MRTFA: variants seen among roughly 807,000 people sequenced by gnomAD.
MRTFA encodes myocardin related transcription factor A, also known as myocardin-related transcription factor A.
MRTFA carries 20 observed loss-of-function variants against 83.5 expected under a neutral mutation model. The observed-to-expected ratio is 0.24, with a 90% CI of 0.17 to 0.35. The LOEUF (loss-of-function observed/expected upper bound fraction) is 0.35. MRTFA is among the 10% of genes least tolerant of loss of function. The probability of loss-of-function intolerance (pLI) is 1.00; values close to 1 mark genes in which losing one functional copy is unlikely to be tolerated. For missense variants in MRTFA, 1,200 were observed against 1,224.7 expected, an observed-to-expected ratio of 0.98 and a Z score of 0.30; for synonymous variants, 659 against 541.2, an observed-to-expected ratio of 1.22 and a Z score of -3.02.
At chr22:40,478,183 G>T (rs1351550659) in intron 3 of MRTFA, among the ~76,000 whole-genome samples, 1 of 152,088 alleles carries the variant, frequency 6.6e-6, no homozygotes, top group African/African-American at 2.4e-5. Flanking sequence ...AATTCTCCTT[G>T]GGAGTCTATT....
intron 2 of MRTFA, among the ~76,000 whole-genome samples, chr22:40,572,194 T>G (rs2055806196): frequency 6.6e-6 from 1 of 152,126 alleles, no homozygotes; most frequent in Admixed American, 6.5e-5. Context: ...TTCTTTGGTT[T>G]GGGGGGAACA....
chr22:40,551,462 A>C (rs1408738293), intron 3 of MRTFA, among the ~76,000 whole-genome samples: 1 of 152,022 alleles, frequency 6.6e-6, no homozygotes, highest in Non-Finnish European at 1.5e-5. Context: ...TCCGCCTCCT[A>C]GTTCAATCGA....
At position 40,519,419 on chromosome 22, in the gene MRTFA, A is replaced by T. The variant is rs1569308495; in HGVS notation, c.241+32687T>A. 3.8e-6 allele frequency: 5 copies of T among 1,329,960 alleles called. No individual in the cohort carries two copies. In the African/African-American group the frequency reaches 7.5e-5, roughly 20 times the overall value. The allele number at this position is 1,329,960 out of a possible 1,614,324, so 82.4% of individuals were successfully genotyped here. A position where few individuals can be genotyped will look rare whatever the true frequency, so the allele number is the denominator to read the frequency against. The stretch of plus-strand genomic sequence containing the variant: ...TAGTCAGCTCACTTCTTGGAAAGAG[A>T]TCAGGGTTGAGAGATGAAGGCGATG... On this transcript the variant is annotated intron_variant, in intron 3 of 14. Transcript: ENST00000355630.
At chr22:40,603,816 T>A (rs572657067) in intron 1 of MRTFA, among the ~76,000 whole-genome samples, 1 of 151,718 alleles carries the variant, frequency 6.6e-6, no homozygotes, top group South Asian at 2.1e-4. Context: ...CTCACTAGGT[T>A]GCCCAGGCTG....
chr22:40,476,205 G>A (rs1013188517), intron 3 of MRTFA, among the ~76,000 whole-genome samples: 1 of 151,640 alleles, frequency 6.6e-6, no homozygotes, highest in Non-Finnish European at 1.5e-5. Flanking sequence ...TGGTATTAAA[G>A]TTTCAAGCTA....
chr22:40,576,587 G>A (rs76346318), intron 2 of MRTFA, among the ~76,000 whole-genome samples: 1,934 of 152,220 alleles, frequency 0.013, 20 homozygotes, highest in Non-Finnish European at 0.021. Flanking sequence ...TTTAGGAAGC[G>A]AAATTATGTT....
intron 12 of MRTFA, 28 bp from the exon 13 acceptor site, chr22:40,417,521 G>A: frequency 7.3e-7 from 1 of 1,369,552 alleles, no homozygotes; most frequent in Non-Finnish European, 9.7e-7. Flanking sequence ...GAGAGGACCA[G>A]TGGCCAGGGG....
chr22:40,611,834 T>G (rs2056391455), intron 1 of MRTFA, among the ~76,000 whole-genome samples: 1 of 152,284 alleles, frequency 6.6e-6, no homozygotes, highest in Non-Finnish European at 1.5e-5. Flanking sequence ...AGAAGCAATT[T>G]GGTTCTAGCA....
chr22:40,458,769 G>A (rs1353775768), intron 4 of MRTFA, among the ~76,000 whole-genome samples: 1 of 152,064 alleles, frequency 6.6e-6, no homozygotes, highest in Admixed American at 6.6e-5. Flanking sequence ...TTAAATCTGA[G>A]AGCTGTTTTC....
chr22:40,417,213 C>T (rs1569248855), intron 13 of MRTFA, 128 bp downstream of exon 13: 1 of 1,419,616 alleles, frequency 7.0e-7, no homozygotes. Flanking sequence ...ACCCACTCCC[C>T]AAGGCCTCTC....
intron 4 of MRTFA, among the ~76,000 whole-genome samples, chr22:40,450,622 A>ATTT (rs55638738): frequency 6.8e-6 from 1 of 146,090 alleles, no homozygotes; most frequent in Non-Finnish European, 1.5e-5. Context: ...CAGCTGGCTA[A>ATTT]TTTTTTTTTT....
chr22:40,527,902 C>T (rs998671371), intron 3 of MRTFA, among the ~76,000 whole-genome samples: 2 of 151,778 alleles, frequency 1.3e-5, no homozygotes, highest in African/African-American at 4.8e-5. Context: ...CTTGCCTCAT[C>T]CAAAAAGAAA....
intron 1 of MRTFA, among the ~76,000 whole-genome samples, chr22:40,630,757 C>G (rs1000470601): frequency 1.3e-5 from 2 of 152,114 alleles, no homozygotes; most frequent in African/African-American, 4.8e-5. Flanking sequence ...GGCTGGAGCA[C>G]AGTGGTGTGA....
chr22:40,621,760 TACTCACAGGC>T lies in MRTFA; in HGVS notation c.-84+14708_-84+14717del, dbSNP rs1164264993. 1.1e-3 allele frequency among the ~76,000 whole-genome samples: 161 copies of T among 152,306 alleles called. 4 individuals are homozygous for T. The East Asian group carries it at 0.022, about 21-fold the overall frequency. On this transcript the variant is annotated intron_variant, in intron 1 of 14. Coordinates refer to ENST00000355630, the MANE Select transcript of MRTFA (RefSeq NM_020831.6). The stretch of plus-strand genomic sequence containing the variant: ...GGCAGAGTCTCGAGTAAAAGAAAAT[TACTCACAGGC>T]TTTGAAACATAATAAAAATTTTCCC...
intron 9 of MRTFA, 132 bp from the exon 10 acceptor site, chr22:40,421,232 T>A: frequency 1.9e-6 from 2 of 1,042,070 alleles, no homozygotes; most frequent in South Asian, 1.8e-5. Flanking sequence ...TTTCCACTCT[T>A]CCCTGTGGGA....
intron 4 of MRTFA, among the ~76,000 whole-genome samples, chr22:40,436,537 A>C (rs560464890): frequency 6.6e-6 from 1 of 152,288 alleles, no homozygotes; most frequent in Non-Finnish European, 1.5e-5. Context: ...CCACACAAAG[A>C]CCACAAGTCT....
At chr22:40,476,928 C>T (rs2054006947) in intron 3 of MRTFA, among the ~76,000 whole-genome samples, 1 of 152,048 alleles carries the variant, frequency 6.6e-6, no homozygotes, top group Admixed American at 6.5e-5. Flanking sequence ...TATCCTTAAC[C>T]AGAAAGGGTT....
intron 1 of MRTFA, among the ~76,000 whole-genome samples, chr22:40,625,635 G>A (rs552076970): frequency 7.2e-5 from 11 of 151,934 alleles, no homozygotes; most frequent in South Asian, 6.2e-4. Context: ...AAAATTAGTC[G>A]GGCATGGTGG....
intron 14 of MRTFA, among the ~76,000 whole-genome samples, chr22:40,413,622 T>C (rs1907299133): frequency 6.6e-6 from 1 of 151,994 alleles, no homozygotes; most frequent in East Asian, 1.9e-4. Context: ...TTTTGTATTT[T>C]TTAGTAAAGA....
Sources: gnomAD v4.1 joint callset for allele counts (sites outside exome capture counted in the v4.1 genomes callset) on GRCh38, gnomAD v4.1.1 for gene constraint, MANE v1.5 for transcripts, NCBI Gene and HGNC (gene_info 2026-07-23, HGNC 2026-07-21) for gene names.